The following CDH12 variants were observed in gnomAD, a reference collection of about 807,000 sequenced individuals.
CDH12 encodes the protein cadherin-12.
CDH12 carries 41 observed loss-of-function variants against 74.1 expected under a neutral mutation model. The ratio of observed to expected loss-of-function variants is 0.55; its 90% CI spans 0.43 to 0.72. The LOEUF is 0.72. Ranked by LOEUF, CDH12 falls within the 30% of genes least tolerant of loss-of-function variation. The probability of loss-of-function intolerance (pLI) is 0.00; values close to 1 mark genes in which losing one functional copy is unlikely to be tolerated. For missense variants in CDH12, 945 were observed against 977.2 expected, an observed-to-expected ratio of 0.97 and a Z score of 0.44; for synonymous variants, 399 against 355.0, an observed-to-expected ratio of 1.12 and a Z score of -1.39.
intron 3 of CDH12, among the ~76,000 whole-genome samples, chr5:22,220,691 A>G (rs1751983238): frequency 6.6e-6 from 1 of 151,666 alleles, no homozygotes. Context: ...GGAGGATAAA[A>G]TTTAGATAGC....
At chr5:22,402,393 C>T (rs1316245315) in intron 3 of CDH12, among the ~76,000 whole-genome samples, 1 of 152,066 alleles carries the variant, frequency 6.6e-6, no homozygotes, top group Non-Finnish European at 1.5e-5. Context: ...AAATGAAGAA[C>T]AAGTTATTGT....
Position 21,999,879 on chromosome 5 carries a change from T to C in CDH12, c.232-24494A>G, listed in dbSNP as rs555105279. On this transcript the variant is annotated intron_variant, in intron 5 of 14. Coordinates refer to ENST00000382254, the MANE Select transcript of CDH12 (RefSeq NM_004061.5). ...ACCTTGGGCAAAATAATTAACTTTGTATGTGTAAAAGGGAAATAACTGTGG... is the reference window on the plus strand; with the variant it reads ...ACCTTGGGCAAAATAATTAACTTTGCATGTGTAAAAGGGAAATAACTGTGG... 6.6e-5 allele frequency among the ~76,000 whole-genome samples: 10 copies of C among 152,056 alleles called. No homozygotes were observed. In the East Asian group the frequency reaches 1.7e-3, roughly 26 times the overall value.
intron 1 of CDH12, among the ~76,000 whole-genome samples, chr5:22,808,759 C>G (rs139547997): frequency 0.022 from 3,029 of 135,528 alleles, 44 homozygotes; most frequent in South Asian, 0.064. Flanking sequence ...CCCACCACAC[C>G]TGGTTTTTTT....
intron 1 of CDH12, among the ~76,000 whole-genome samples, chr5:22,738,938 C>A (rs895673567): frequency 6.6e-6 from 1 of 151,988 alleles, no homozygotes; most frequent in Non-Finnish European, 1.5e-5. Context: ...TCATATTAAA[C>A]AACTGACATA....
At chr5:22,344,692 TA>T (rs138542072) in intron 3 of CDH12, among the ~76,000 whole-genome samples, 2 of 152,216 alleles carry the variant, frequency 1.3e-5, no homozygotes, top group African/African-American at 4.8e-5. Context: ...AGCCTTCATT[TA>T]AAAAATAATT....
intron 2 of CDH12, among the ~76,000 whole-genome samples, chr5:22,434,912 G>A (rs1439644674): frequency 6.6e-6 from 1 of 152,100 alleles, no homozygotes; most frequent in Non-Finnish European, 1.5e-5. Context: ...CTGAAACAGT[G>A]AAAGAGATCT....
chr5:22,529,186 TATAG>T (rs1270800467), intron 1 of CDH12, among the ~76,000 whole-genome samples: 929 of 69,470 alleles, frequency 0.013, 5 homozygotes, highest in South Asian at 0.023. Context: ...TATATATATA[TATAG>T]AGAGAGAGAG....
At chr5:21,944,886 A>G (rs1755499576) in intron 6 of CDH12, among the ~76,000 whole-genome samples, 1 of 152,174 alleles carries the variant, frequency 6.6e-6, no homozygotes, top group Admixed American at 6.6e-5. Flanking sequence ...AGAAGGAAGT[A>G]TAAGTTAGTA....
chr5:22,698,753 T>A (rs1427795140), intron 1 of CDH12, among the ~76,000 whole-genome samples: 3 of 120,074 alleles, frequency 2.5e-5, no homozygotes, highest in Non-Finnish European at 5.2e-5. Context: ...TGTGTGTGTG[T>A]GTGTGTGTGT....
chr5:22,238,152 T>C (rs186075292), intron 3 of CDH12, among the ~76,000 whole-genome samples: 1 of 152,260 alleles, frequency 6.6e-6, no homozygotes, highest in Admixed American at 6.5e-5. Flanking sequence ...GTGTTTAAAA[T>C]AGATTCTGCT....
intron 1 of CDH12, among the ~76,000 whole-genome samples, chr5:22,522,608 C>T (rs1469586374): frequency 6.6e-6 from 1 of 152,192 alleles, no homozygotes; most frequent in African/African-American, 2.4e-5. Context: ...TGAACAAGAT[C>T]TTACATGAAT....
chr5:22,500,391 G>A (rs938626641), intron 2 of CDH12, among the ~76,000 whole-genome samples: 2 of 152,046 alleles, frequency 1.3e-5, no homozygotes, highest in African/African-American at 2.4e-5. Flanking sequence ...AGTTAAACAT[G>A]ACAGTTGTTA....
At chr5:22,473,123 A>T (rs371444958) in intron 2 of CDH12, among the ~76,000 whole-genome samples, 48 of 152,150 alleles carry the variant, frequency 3.2e-4, no homozygotes, top group East Asian at 1.7e-3. Context: ...GTGCCTTTGC[A>T]CTGGATATTT....
chr5:22,045,671 T>C (rs1739900039), intron 5 of CDH12, among the ~76,000 whole-genome samples: 1 of 151,638 alleles, frequency 6.6e-6, no homozygotes, highest in African/African-American at 2.4e-5. Flanking sequence ...GGCATTATGT[T>C]AGGTGAAATA....
intron 6 of CDH12, among the ~76,000 whole-genome samples, chr5:21,974,547 T>G (rs1443500523): frequency 6.6e-6 from 1 of 152,182 alleles, no homozygotes; most frequent in Non-Finnish European, 1.5e-5. Flanking sequence ...TTCATGACAT[T>G]ATTCATTTGC....
intron 5 of CDH12, among the ~76,000 whole-genome samples, chr5:21,988,546 G>GA (rs1757617240): frequency 7.5e-6 from 1 of 133,346 alleles, no homozygotes; most frequent in Admixed American, 7.5e-5. Flanking sequence ...TAGAAATAAG[G>GA]AAAAATTGCT....
intron 2 of CDH12, among the ~76,000 whole-genome samples, chr5:22,443,385 G>T (rs1744698533): frequency 1.3e-5 from 2 of 152,114 alleles, no homozygotes. Context: ...ATAGTGACTT[G>T]TTAAACCCTT....
chr5:22,371,968 A>T (rs145757066), intron 3 of CDH12, among the ~76,000 whole-genome samples: 205 of 152,308 alleles, frequency 1.3e-3, no homozygotes, highest in African/African-American at 4.7e-3. Flanking sequence ...AAACATGATG[A>T]TATTTTTATT....
intron 3 of CDH12, among the ~76,000 whole-genome samples, chr5:22,387,824 C>G (rs895803562): frequency 6.6e-6 from 1 of 152,054 alleles, no homozygotes; most frequent in African/African-American, 2.4e-5. Flanking sequence ...TTTTTAAATG[C>G]CTATATCTGC....
Sources: allele counts gnomAD v4.1 joint callset (sites outside exome capture counted in the v4.1 genomes callset), GRCh38; gene constraint gnomAD v4.1.1; transcripts MANE v1.5; gene names NCBI Gene and HGNC (gene_info 2026-07-23, HGNC 2026-07-21).